The following EYS variants were observed in gnomAD, a reference collection of about 807,000 sequenced individuals.
EYS encodes the protein EGF-like photoreceptor maintenance factor.
Under a neutral mutation model 282.1 loss-of-function variants are expected in EYS, and 250 were observed. That is an observed-to-expected ratio of 0.89 (90% CI 0.80 to 0.98). The LOEUF (loss-of-function observed/expected upper bound fraction) is 0.98. Among genes scored for constraint, EYS ranks in the 50% least tolerant of loss-of-function variants. The pLI is 0.00. For missense variants in EYS, 4,016 were observed against 3,709.0 expected (o/e 1.08, Z -2.15); for synonymous variants, 1,355 against 1,282.9 (o/e 1.06, Z -1.20).
chr6:64,985,513 A>G (rs2150119212), intron 14 of EYS, among the ~76,000 whole-genome samples: 1 of 151,728 alleles, frequency 6.6e-6, no homozygotes, highest in South Asian at 2.1e-4. Flanking sequence ...GAACAATTCT[A>G]TCTTCTTTTA....
chr6:65,133,878 G>A (rs574645279), intron 12 of EYS, among the ~76,000 whole-genome samples: 6 of 151,814 alleles, frequency 4.0e-5, no homozygotes, highest in African/African-American at 1.4e-4. Flanking sequence ...AACTGACAAA[G>A]GTCTAATATC....
At chr6:65,659,507 T>C (rs2149824416) in intron 1 of EYS, among the ~76,000 whole-genome samples, 1 of 151,920 alleles carries the variant, frequency 6.6e-6, no homozygotes, top group East Asian at 1.9e-4. Flanking sequence ...TTCGTAAAAC[T>C]TATCCTGCCA....
At position 64,230,806 on chromosome 6, in the gene EYS, C is replaced by T. The variant is rs1766405348; in HGVS notation, c.6210G>A (p.Leu2070=). The change falls in exon 31 of 43, where the codon CTG becomes CTA. Residue 2070 remains leucine, a synonymous_variant. Transcript: ENST00000503581. ...INNCRSQGFM[L]SPTASFVDAS... is the part of the protein sequence containing the mutation. ...CATCAACAAAGGAGGCTGTTGGAGACAGCATAAATCCCTGGGATCTGTGAT... is the reference window on the plus strand; with the variant it reads ...CATCAACAAAGGAGGCTGTTGGAGATAGCATAAATCCCTGGGATCTGTGAT... 6.5e-7 allele frequency: 1 copy of T among 1,544,920 alleles called. No individual in the cohort carries two copies. The highest frequency in any genetic ancestry group is 1.4e-5 in the African/African-American group (1 of 72,862).
intron 41 of EYS, among the ~76,000 whole-genome samples, chr6:63,760,185 C>G (rs879023410): frequency 6.6e-6 from 1 of 151,878 alleles, no homozygotes; most frequent in Admixed American, 6.6e-5. Flanking sequence ...CATTGGTGCA[C>G]AATAGCTAGA....
intron 33 of EYS, among the ~76,000 whole-genome samples, chr6:64,060,134 T>G (rs556418253): frequency 1.3e-5 from 2 of 152,298 alleles, no homozygotes; most frequent in South Asian, 4.1e-4. Context: ...TCTCACATAG[T>G]TTCCTGGCTC....
At chr6:64,432,192 C>T (rs544357956) in intron 28 of EYS, among the ~76,000 whole-genome samples, 303 of 152,118 alleles carry the variant, frequency 2.0e-3, no homozygotes, top group African/African-American at 7.2e-3. Context: ...AATAAATTCT[C>T]CAGGAGACAG....
chr6:64,617,268 G>A (rs1308519136), intron 24 of EYS, 150 bp downstream of exon 24: 3 of 603,546 alleles, frequency 5.0e-6, no homozygotes, highest in Admixed American at 2.9e-5. Context: ...AAAGAGGAAT[G>A]CCGAGAAAAG....
At chr6:65,238,195 C>G (rs1343615401) in intron 12 of EYS, among the ~76,000 whole-genome samples, 1 of 150,854 alleles carries the variant, frequency 6.6e-6, no homozygotes, top group Non-Finnish European at 1.5e-5. Flanking sequence ...ATATTTTTTA[C>G]TCTCAAATAC....
intron 31 of EYS, among the ~76,000 whole-genome samples, chr6:64,117,140 C>T (rs532443134): frequency 9.9e-5 from 15 of 152,016 alleles, no homozygotes; most frequent in Non-Finnish European, 1.5e-4. Context: ...ACATGCAGAA[C>T]ATTCTCCAGC....
chr6:64,846,531 T>A (rs1202757484), intron 19 of EYS, among the ~76,000 whole-genome samples: 2 of 152,098 alleles, frequency 1.3e-5, no homozygotes, highest in Non-Finnish European at 2.9e-5. Flanking sequence ...AATTTAGTTT[T>A]ATTGGAGCTG....
At chr6:64,063,723 G>GT (rs1562181184) in intron 33 of EYS, among the ~76,000 whole-genome samples, 5 of 151,828 alleles carry the variant, frequency 3.3e-5, no homozygotes, top group Admixed American at 2.0e-4. Context: ...CTAGCATAGG[G>GT]TTTTGTTTTA....
At chr6:64,296,242 C>T (rs1288614200) in intron 30 of EYS, among the ~76,000 whole-genome samples, 4 of 152,026 alleles carry the variant, frequency 2.6e-5, no homozygotes, top group African/African-American at 4.8e-5. Flanking sequence ...AGAATTTCTC[C>T]AACTACTTCA....
At chr6:65,343,891 T>C (rs112131690) in intron 10 of EYS, 147 bp downstream of exon 10, 15 of 689,862 alleles carry the variant, frequency 2.2e-5, no homozygotes, top group African/African-American at 1.8e-4. Flanking sequence ...CTGTTGAGAA[T>C]TTGTTTACGA....
In EYS at chr6:64,974,848, T is replaced by TTTTGAATGACATTGATAACAAAAC. The variant is rs1196149853; in HGVS notation, c.2259+22733_2259+22734insGTTTTGTTATCAATGTCATTCAAA. 3.3e-5 allele frequency among the ~76,000 whole-genome samples: 5 copies of TTTTGAATGACATTGATAACAAAAC among 151,762 alleles called. No homozygotes were observed. In the East Asian group the frequency reaches 9.7e-4, roughly 29 times the overall value. On this transcript the variant is annotated intron_variant, in intron 14 of 42. Coordinates refer to ENST00000503581, the MANE Select transcript of EYS (RefSeq NM_001142800.2). ...GAATGACATTGATAACATACAAGAG[T>TTTTGAATGACATTGATAACAAAAC]AATGACAGTTTTATGGGTAAGAATA...
At chr6:64,684,174 A>C (rs748224037) in intron 22 of EYS, among the ~76,000 whole-genome samples, 6 of 152,340 alleles carry the variant, frequency 3.9e-5, no homozygotes, top group Non-Finnish European at 5.9e-5. Context: ...AACTGTATGA[A>C]TGGTATCTGA....
chr6:64,945,742 A>T (rs1769264754), intron 15 of EYS, 51 bp downstream of exon 15: 2 of 1,514,626 alleles, frequency 1.3e-6, no homozygotes. Flanking sequence ...TCCCAAGGAC[A>T]CTGAGCACTC....
chr6:65,174,922 T>G (rs1256068236), intron 12 of EYS, among the ~76,000 whole-genome samples: 1 of 151,292 alleles, frequency 6.6e-6, no homozygotes, highest in African/African-American at 2.4e-5. Flanking sequence ...AAATATGACA[T>G]CTATTTTTTT....
chr6:64,206,507 T>C (rs1213111522), intron 31 of EYS, among the ~76,000 whole-genome samples: 3 of 152,250 alleles, frequency 2.0e-5, no homozygotes, highest in Admixed American at 1.3e-4. Context: ...ATTGGCTTTA[T>C]GAAATTCTGT....
intron 36 of EYS, among the ~76,000 whole-genome samples, chr6:63,827,826 G>A (rs1305606482): frequency 7.2e-6 from 1 of 139,410 alleles, no homozygotes; most frequent in Non-Finnish European, 1.5e-5. Context: ...AGTCCGGCCT[G>A]GGCGACAGAG....
Sources: gnomAD v4.1 joint callset for allele counts (sites outside exome capture counted in the v4.1 genomes callset) on GRCh38, gnomAD v4.1.1 for gene constraint, MANE v1.5 for transcripts, NCBI Gene and HGNC (gene_info 2026-07-23, HGNC 2026-07-21) for gene names.